Variants in STXBP5 observed in about 807,000 individuals in gnomAD.
STXBP5 encodes the protein syntaxin binding protein 5, also known as syntaxin-binding protein 5.
Under a neutral mutation model 152.4 loss-of-function variants are expected in STXBP5, and 50 were observed. That is an observed-to-expected ratio of 0.33 (90% CI 0.26 to 0.42). The LOEUF (loss-of-function observed/expected upper bound fraction) is 0.42, where lower values mean the gene tolerates loss of function less well. Among genes scored for constraint, STXBP5 ranks in the 10% least tolerant of loss-of-function variants. The pLI is 1.00. For synonymous variants in STXBP5, 492 were observed against 494.7 expected (o/e 0.99, Z 0.07); for missense variants, 1,167 against 1,388.6 (o/e 0.84, Z 2.54).
chr6:147,233,517 T>C (rs1582818929), intron 2 of STXBP5, among the ~76,000 whole-genome samples: 1 of 151,766 alleles, frequency 6.6e-6, no homozygotes, highest in South Asian at 2.1e-4. Flanking sequence ...AGTAACTCAC[T>C]TAAAAAAATC....
chr6:147,333,972 G>A (rs1192321472), intron 18 of STXBP5, among the ~76,000 whole-genome samples, 185 bp from the exon 19 acceptor site: 2 of 152,142 alleles, frequency 1.3e-5, no homozygotes, highest in Non-Finnish European at 2.9e-5. Context: ...TGCTGTATTA[G>A]TTTGAGGTAT....
chr6:147,261,437 A>G (rs574629161), intron 5 of STXBP5, among the ~76,000 whole-genome samples: 1 of 152,018 alleles, frequency 6.6e-6, no homozygotes, highest in Non-Finnish European at 1.5e-5. Context: ...AAGTTTAAGG[A>G]TATCAGCAAG....
In STXBP5 at chr6:147,390,269, C is replaced by A. The variant is rs1786530344; in HGVS notation, c.*5514C>A. On this transcript the variant is annotated 3_prime_UTR_variant, in exon 28 of 28. Transcript: ENST00000321680. The stretch of plus-strand genomic sequence containing the variant: ...AGTTATTTTGCATTCCTGTACTTTA[C>A]AAACTGTCATCACAGCAAAAAGTTT... 1.3e-5 allele frequency: 2 copies of A among 151,936 alleles called. No individual in the cohort carries two copies. Among genetic ancestry groups the A allele is most frequent in the South Asian group, 4.1e-4 (2 of 4,832 alleles). The allele number at this position is 151,936 out of a possible 1,614,324, so 9.4% of individuals were successfully genotyped here.
At chr6:147,245,073 A>G (rs1194801985) in intron 4 of STXBP5, among the ~76,000 whole-genome samples, 2 of 147,324 alleles carry the variant, frequency 1.4e-5, no homozygotes, top group African/African-American at 5.1e-5. Flanking sequence ...GCTCACTGCA[A>G]TCTCTGCCTC....
At chr6:147,283,753 C>T (rs1203500258) in intron 8 of STXBP5, among the ~76,000 whole-genome samples, 1 of 152,166 alleles carries the variant, frequency 6.6e-6, no homozygotes, top group African/African-American at 2.4e-5. Flanking sequence ...AACAACACAT[C>T]ATAAATCCCA....
At chr6:147,356,446 A>G (rs1273822525) in intron 22 of STXBP5, among the ~76,000 whole-genome samples, 2 of 151,794 alleles carry the variant, frequency 1.3e-5, no homozygotes, top group South Asian at 2.1e-4. Context: ...TGGAAACCAT[A>G]AAGAGTTAAT....
chr6:147,280,802 G>A (rs1385799801), intron 8 of STXBP5, among the ~76,000 whole-genome samples: 3 of 152,090 alleles, frequency 2.0e-5, no homozygotes, highest in Non-Finnish European at 4.4e-5. Flanking sequence ...GACAATATGT[G>A]ACTTAATGTT....
intron 2 of STXBP5, among the ~76,000 whole-genome samples, chr6:147,209,035 C>T (rs1562408690): frequency 6.6e-6 from 1 of 151,996 alleles, no homozygotes. Context: ...ATGTTACTGT[C>T]TTTATCTAGA....
intron 25 of STXBP5, among the ~76,000 whole-genome samples, chr6:147,368,638 A>G (rs1427554503): frequency 6.6e-6 from 1 of 152,144 alleles, no homozygotes; most frequent in African/African-American, 2.4e-5. Context: ...TCAGGCAAGG[A>G]AAAGAAAAGG....
In STXBP5 at chr6:147,334,139, T is replaced by C. The variant is rs1429822675; in HGVS notation, c.2081-18T>C. ...CATAAATGTATGGGTTGATTTGTTT[T>C]TTGTTTTTGTTTTGTAGCCGGTCTG... On this transcript the variant is annotated intron_variant, in intron 18 of 27. Coordinates refer to ENST00000321680, the MANE Select transcript of STXBP5 (RefSeq NM_001127715.4). 1 of 1,610,238 alleles carries C rather than the reference T, an allele frequency of 6.2e-7. No individual in the cohort carries two copies. The highest frequency in any genetic ancestry group is 1.3e-5 in the African/African-American group (1 of 74,800).
At position 147,315,486 on chromosome 6, in the gene STXBP5, G is replaced by A. The variant is rs142110001; in HGVS notation, c.1403-29G>A. 7 of 1,427,224 alleles carry A rather than the reference G, an allele frequency of 4.9e-6. No homozygotes were observed. In the East Asian group the frequency reaches 1.5e-4, roughly 30 times the overall value. The allele number at this position is 1,427,224 out of a possible 1,614,324, so 88.4% of individuals were successfully genotyped here. On this transcript the variant is annotated intron_variant, in intron 14 of 27. Coordinates refer to ENST00000321680, the MANE Select transcript of STXBP5 (RefSeq NM_001127715.4). ...TTATGTTTGATCATTTTATATTAAAGTATCTGACATATATTATCTTTTTTC... is the reference window on the plus strand; with the variant it reads ...TTATGTTTGATCATTTTATATTAAAATATCTGACATATATTATCTTTTTTC...
At chr6:147,276,690 G>A (rs1017100753) in intron 7 of STXBP5, among the ~76,000 whole-genome samples, 1 of 152,044 alleles carries the variant, frequency 6.6e-6, no homozygotes, top group Non-Finnish European at 1.5e-5. Flanking sequence ...AGGCTACTAA[G>A]GGATTGCTTA....
intron 7 of STXBP5, among the ~76,000 whole-genome samples, chr6:147,276,776 G>GT: frequency 6.6e-6 from 1 of 152,166 alleles, no homozygotes; most frequent in East Asian, 1.9e-4. Context: ...TTAGAATTTT[G>GT]TAAGAGATGC....
At chr6:147,316,146 A>G in intron 15 of STXBP5, 83 bp from the exon 16 acceptor site, 1 of 1,275,798 alleles carries the variant, frequency 7.8e-7, no homozygotes. Context: ...GTTTATGTAA[A>G]GTGTGTGTGT....
At chr6:147,346,701 C>T (rs1163429855) in intron 21 of STXBP5, among the ~76,000 whole-genome samples, 1 of 151,898 alleles carries the variant, frequency 6.6e-6, no homozygotes, top group Non-Finnish European at 1.5e-5. Flanking sequence ...GATTGCACCA[C>T]TTCACTCCAG....
At chr6:147,355,675 C>T (rs545704183) in intron 22 of STXBP5, among the ~76,000 whole-genome samples, 1 of 152,208 alleles carries the variant, frequency 6.6e-6, no homozygotes, top group African/African-American at 2.4e-5. Context: ...CTTAATCTCT[C>T]TGAGCCTCTG....
intron 2 of STXBP5, among the ~76,000 whole-genome samples, chr6:147,212,903 A>T (rs1776930824): frequency 6.6e-6 from 1 of 152,214 alleles, no homozygotes; most frequent in South Asian, 2.1e-4. Flanking sequence ...ATGAAATAGG[A>T]AACCAGGACT....
chr6:147,278,031 G>A (rs1780528415), intron 7 of STXBP5, 50 bp from the exon 8 acceptor site: 18 of 1,482,754 alleles, frequency 1.2e-5, no homozygotes, highest in Non-Finnish European at 1.6e-5. Context: ...TTTACAAATA[G>A]TTTACTGTTT....
At chr6:147,281,811 G>T (rs979170233) in intron 8 of STXBP5, among the ~76,000 whole-genome samples, 14 of 152,176 alleles carry the variant, frequency 9.2e-5, no homozygotes, top group African/African-American at 3.1e-4. Context: ...GTATTATGTT[G>T]CATTTATATA....
Sources: allele counts gnomAD v4.1 joint callset (sites outside exome capture counted in the v4.1 genomes callset), GRCh38; gene constraint gnomAD v4.1.1; transcripts MANE v1.5; gene names NCBI Gene and HGNC (gene_info 2026-07-23, HGNC 2026-07-21).